The following ANK2 variants were observed in gnomAD, a reference collection of about 807,000 sequenced individuals.
ANK2 encodes the protein ankyrin-2.
Under a neutral mutation model 360.5 loss-of-function variants are expected in ANK2, and 83 were observed. The observed-to-expected ratio is 0.23, with a 90% CI of 0.19 to 0.28. ANK2 has a LOEUF of 0.28. ANK2 is among the 10% of genes least tolerant of loss of function. ANK2 has a pLI of 1.00. For missense variants in ANK2, 4,201 were observed against 4,795.7 expected, an observed-to-expected ratio of 0.88 and a Z score of 3.66; for synonymous variants, 1,740 against 1,759.5, an observed-to-expected ratio of 0.99 and a Z score of 0.28.
intron 20 of ANK2, among the ~76,000 whole-genome samples, chr4:113,289,724 A>G (rs969748792): frequency 7.9e-5 from 12 of 152,374 alleles, no homozygotes; most frequent in African/African-American, 2.9e-4. Context: ...TTTTTAAACT[A>G]TAAATAATAC....
At chr4:113,151,086 T>G in intron 1 of ANK2, 3 of 1,288,836 alleles carry the variant, frequency 2.3e-6, no homozygotes, top group Non-Finnish European at 3.0e-6. Context: ...ACAGGTGACA[T>G]GCCCCCAGAT....
intron 2 of ANK2, among the ~76,000 whole-genome samples, chr4:112,921,843 AT>A (rs528921344): frequency 6.6e-6 from 1 of 152,116 alleles, no homozygotes; most frequent in Non-Finnish European, 1.5e-5. Context: ...GCTTTAATTC[AT>A]TTGTCTTTGA....
At chr4:113,336,168 G>C (rs1588492619) in intron 30 of ANK2, 111 bp downstream of exon 30, 2 of 1,136,796 alleles carry the variant, frequency 1.8e-6, no homozygotes, top group East Asian at 5.1e-5. Flanking sequence ...AAAAAGGAAG[G>C]TAGCATTAAT....
At chr4:112,936,282 T>C (rs1308621339) in intron 2 of ANK2, among the ~76,000 whole-genome samples, 2 of 152,130 alleles carry the variant, frequency 1.3e-5, no homozygotes, top group East Asian at 3.9e-4. Flanking sequence ...GTAGAAACAA[T>C]GATAACACTA....
At chr4:113,085,559 G>A (rs989277998) in intron 1 of ANK2, among the ~76,000 whole-genome samples, 4 of 152,040 alleles carry the variant, frequency 2.6e-5, no homozygotes, top group East Asian at 1.9e-4. Flanking sequence ...CACCTGCCTC[G>A]GCCTCCCAAA....
chr4:112,804,081 C>T, the ANK2 span, among the ~76,000 whole-genome samples: 10 of 151,048 alleles, frequency 6.6e-5, no homozygotes, highest in African/African-American at 1.5e-4. Flanking sequence ...GGCAGTGGCG[C>T]GATCTCGGCT....
chr4:113,374,565 T>A (rs1380696864), intron 45 of ANK2, among the ~76,000 whole-genome samples: 3 of 152,230 alleles, frequency 2.0e-5, no homozygotes, highest in Non-Finnish European at 4.4e-5. Flanking sequence ...TGCTTTGGTG[T>A]TGTGGAGATA....
chr4:112,863,051 T>TTG (rs2068676800), intron 1 of ANK2, among the ~76,000 whole-genome samples: 1 of 152,254 alleles, frequency 6.6e-6, no homozygotes, highest in South Asian at 2.1e-4. Flanking sequence ...TATAATTTAT[T>TTG]CTAAGCTATG....
chr4:113,195,080 G>A (rs752956410), intron 2 of ANK2, among the ~76,000 whole-genome samples: 1 of 152,076 alleles, frequency 6.6e-6, no homozygotes, highest in Non-Finnish European at 1.5e-5. Context: ...GTAGAAGACT[G>A]TTAGATAGCA....
At chr4:112,855,407 A>G (rs1374430592) in intron 1 of ANK2, among the ~76,000 whole-genome samples, 2 of 152,228 alleles carry the variant, frequency 1.3e-5, no homozygotes, top group Non-Finnish European at 2.9e-5. Context: ...ATCTATAGCT[A>G]TTGATTATGG....
At chr4:113,244,399 C>T (rs1312624066) in intron 9 of ANK2, among the ~76,000 whole-genome samples, 1 of 151,804 alleles carries the variant, frequency 6.6e-6, no homozygotes, top group African/African-American at 2.4e-5. Flanking sequence ...TCTTAAAAAA[C>T]AAAAAAACAA....
In ANK2 at chr4:113,354,882, C is replaced by T. The variant is rs201663032; in HGVS notation, c.6264C>T (p.Leu2088=). Reference sequence around the variant, plus strand: ...CAGCTGGAGGAAAGGAGAAAGTTCTCAGCCACAAAATACCTGAACCTGTTC... The same window carrying T: ...CAGCTGGAGGAAAGGAGAAAGTTCTTAGCCACAAAATACCTGAACCTGTTC... ...EDAAGGKEKV[L]SHKIPEPVQS... Residue 2088 remains leucine (L), a synonymous_variant, in exon 38 of 46, where the codon CTC becomes CTT. Transcript: ENST00000357077. 3 of 1,614,084 alleles carry T rather than the reference C, an allele frequency of 1.9e-6. No homozygotes were observed. The highest frequency in any genetic ancestry group is 2.5e-6 in the Non-Finnish European group (3 of 1,179,986).
At position 113,336,076 on chromosome 4, in the gene ANK2, C is replaced by A. The variant is rs116394434; in HGVS notation, c.3591+19C>A. ...CCTGCAGGTATGCCCATGTTAGATG[C>A]AAATGATCCTAACAGGATTGTATTC... is the stretch of plus-strand genomic sequence containing the variant. On this transcript the variant is annotated intron_variant, in intron 30 of 45. Transcript: ENST00000357077. 131 of 1,609,718 alleles carry A rather than the reference C, an allele frequency of 8.1e-5. No individual in the cohort carries two copies. Among genetic ancestry groups the A allele is most frequent in the Non-Finnish European group, 1.1e-4 (125 of 1,177,066 alleles).
At chr4:113,062,150 A>G (rs1453829826) in intron 1 of ANK2, among the ~76,000 whole-genome samples, 1 of 152,142 alleles carries the variant, frequency 6.6e-6, no homozygotes, top group South Asian at 2.1e-4. Flanking sequence ...TTATTAATTT[A>G]GAAGCCATAA....
chr4:113,290,663 AAAC>A (rs1172745871), intron 20 of ANK2, among the ~76,000 whole-genome samples: 2 of 152,352 alleles, frequency 1.3e-5, no homozygotes, highest in East Asian at 1.9e-4. Context: ...AACAGAATGA[AAAC>A]AACACCACCA....
At chr4:113,344,976 C>A (rs1297203333) in intron 34 of ANK2, among the ~76,000 whole-genome samples, 2 of 152,020 alleles carry the variant, frequency 1.3e-5, no homozygotes, top group Non-Finnish European at 2.9e-5. Context: ...TTAACAAGTT[C>A]TAAAGATGGA....
At chr4:113,174,371 C>A (rs375688098) in intron 1 of ANK2, 45 bp from the exon 2 acceptor site, 5 of 1,476,426 alleles carry the variant, frequency 3.4e-6, no homozygotes, top group Non-Finnish European at 4.7e-6. Flanking sequence ...GGATACATTT[C>A]TATTTCATCA....
the ANK2 span, among the ~76,000 whole-genome samples, chr4:112,736,117 G>A: frequency 1.3e-5 from 2 of 151,958 alleles, no homozygotes; most frequent in Non-Finnish European, 2.9e-5. Flanking sequence ...ATAATCCCTT[G>A]CCTAACTTAA....
the ANK2 span, among the ~76,000 whole-genome samples, chr4:112,758,079 T>A: frequency 8.8e-5 from 1 of 11,424 alleles, no homozygotes; most frequent in Non-Finnish European, 1.3e-4. Flanking sequence ...AATTTTGTAT[T>A]TTTTTTTTTT....
Sources: allele counts gnomAD v4.1 joint callset (sites outside exome capture counted in the v4.1 genomes callset), GRCh38; gene constraint gnomAD v4.1.1; transcripts MANE v1.5; gene names NCBI Gene and HGNC (gene_info 2026-07-23, HGNC 2026-07-21).